KCNIP4: variants seen among roughly 807,000 people sequenced by gnomAD.
KCNIP4 encodes potassium voltage-gated channel interacting protein 4, also known as Kv channel-interacting protein 4.
Under a neutral mutation model 34.0 loss-of-function variants are expected in KCNIP4, and 12 were observed. The observed-to-expected ratio is 0.35, with a 90% CI of 0.23 to 0.57. The LOEUF is 0.57. Ranked by LOEUF, KCNIP4 falls within the 20% of genes least tolerant of loss-of-function variation. KCNIP4 has a pLI of 0.83. For missense variants in KCNIP4, 238 were observed against 311.7 expected, an observed-to-expected ratio of 0.76 and a Z score of 1.78; for synonymous variants, 124 against 102.2, an observed-to-expected ratio of 1.21 and a Z score of -1.29.
chr4:20,958,340 C>T (rs1733516107), intron 1 of KCNIP4, among the ~76,000 whole-genome samples: 1 of 152,132 alleles, frequency 6.6e-6, no homozygotes, highest in East Asian at 1.9e-4. Context: ...AAATGGGGTG[C>T]TTTATGGATA....
chr4:21,629,608 T>C (rs573998616), intron 1 of KCNIP4, among the ~76,000 whole-genome samples: 3 of 152,280 alleles, frequency 2.0e-5, no homozygotes, highest in South Asian at 4.1e-4. Context: ...TAAAACTGTA[T>C]GTAAATAGAA....
intron 1 of KCNIP4, among the ~76,000 whole-genome samples, chr4:21,680,324 C>G (rs147588119): frequency 6.3e-4 from 96 of 152,322 alleles, no homozygotes; most frequent in Non-Finnish European, 1.0e-3. Context: ...TCAGTCACAT[C>G]TCCATGATCC....
chr4:21,274,260 C>T (rs950515924), intron 1 of KCNIP4, among the ~76,000 whole-genome samples: 8 of 152,088 alleles, frequency 5.3e-5, no homozygotes, highest in African/African-American at 1.7e-4. Context: ...ATTGTGGATC[C>T]AATCAAAGAA....
At chr4:21,209,907 T>C (rs1009852323) in intron 1 of KCNIP4, among the ~76,000 whole-genome samples, 12 of 152,324 alleles carry the variant, frequency 7.9e-5, no homozygotes, top group African/African-American at 2.9e-4. Flanking sequence ...TCAATAATTA[T>C]TCACTTATTT....
chr4:20,799,519 C>T (rs1353105424), intron 3 of KCNIP4, among the ~76,000 whole-genome samples: 1 of 152,180 alleles, frequency 6.6e-6, no homozygotes, highest in Non-Finnish European at 1.5e-5. Flanking sequence ...TTCCTGCATA[C>T]CTGTAACTGG....
intron 1 of KCNIP4, among the ~76,000 whole-genome samples, chr4:21,741,006 G>A (rs1056304599): frequency 6.6e-6 from 1 of 152,066 alleles, no homozygotes; most frequent in East Asian, 1.9e-4. Flanking sequence ...AAATTCAGAG[G>A]CAATGACACA....
At chr4:20,750,663 T>C (rs759691533) in intron 4 of KCNIP4, among the ~76,000 whole-genome samples, 2 of 152,166 alleles carry the variant, frequency 1.3e-5, no homozygotes, top group African/African-American at 4.8e-5. Flanking sequence ...CCTTATTGTT[T>C]TCTGTTCTGA....
chr4:21,863,260 A>ATTTT (rs34972685), intron 1 of KCNIP4, among the ~76,000 whole-genome samples: 30,762 of 141,494 alleles, frequency 0.22, 4,590 homozygotes, highest in East Asian at 0.56. Context: ...CACGGATTGA[A>ATTTT]TTTTTTTTTT....
intron 1 of KCNIP4, among the ~76,000 whole-genome samples, chr4:21,083,001 T>C (rs114819566): frequency 0.024 from 3,591 of 151,898 alleles, 186 homozygotes; most frequent in African/African-American, 0.081. Flanking sequence ...ATGTTAAATA[T>C]ATTTCCAGAG....
intron 1 of KCNIP4, among the ~76,000 whole-genome samples, chr4:21,470,185 G>C (rs572574051): frequency 3.9e-5 from 6 of 152,090 alleles, no homozygotes; most frequent in Non-Finnish European, 8.8e-5. Flanking sequence ...TGGTACTGCC[G>C]GTTCAGAGAA....
intron 1 of KCNIP4, among the ~76,000 whole-genome samples, chr4:21,353,019 C>G (rs987805658): frequency 1.3e-5 from 2 of 152,144 alleles, no homozygotes; most frequent in Non-Finnish European, 2.9e-5. Context: ...CTGAAGTGGA[C>G]CTCCAGCAAA....
intron 1 of KCNIP4, among the ~76,000 whole-genome samples, chr4:21,254,096 TATG>T (rs1218797356): frequency 1.3e-5 from 2 of 152,198 alleles, no homozygotes; most frequent in Non-Finnish European, 2.9e-5. Flanking sequence ...ATCCCTTTGG[TATG>T]ATAAGAATAT....
intron 1 of KCNIP4, among the ~76,000 whole-genome samples, chr4:21,773,756 T>G (rs1718980893): frequency 7.4e-6 from 1 of 134,862 alleles, no homozygotes; most frequent in Admixed American, 6.9e-5. Flanking sequence ...TTTTTTTTTT[T>G]TTGTTTGTTT....
intron 1 of KCNIP4, among the ~76,000 whole-genome samples, chr4:21,681,224 T>A (rs930653676): frequency 1.3e-5 from 2 of 151,792 alleles, no homozygotes; most frequent in African/African-American, 4.8e-5. Flanking sequence ...ACGTACAGTC[T>A]CGAGTAGCTG....
At chr4:21,281,418 C>T (rs1163592351) in intron 1 of KCNIP4, among the ~76,000 whole-genome samples, 2 of 152,076 alleles carry the variant, frequency 1.3e-5, no homozygotes, top group Admixed American at 1.3e-4. Context: ...GATGCAGTAA[C>T]ACTGCACTGG....
intron 1 of KCNIP4, among the ~76,000 whole-genome samples, chr4:21,514,740 ACT>A (rs992626635): frequency 1.3e-5 from 2 of 151,694 alleles, no homozygotes; most frequent in South Asian, 2.1e-4. Flanking sequence ...TGAAAGAAAG[ACT>A]CTCTCTCAAT....
chr4:21,826,117 T>G (rs147315531), intron 1 of KCNIP4, among the ~76,000 whole-genome samples: 1 of 152,114 alleles, frequency 6.6e-6, no homozygotes, highest in Non-Finnish European at 1.5e-5. Flanking sequence ...AGGGATAAGG[T>G]TAGAAAGGTG....
rs915903540 is a variant in KCNIP4 at position 21,600,933 on chromosome 4, A to G, written c.61+347638T>C. On this transcript the variant is annotated intron_variant, in intron 1 of 8. Transcript: ENST00000382152. ...AAATCCCACAAAGACACCAAATCCA[A>G]TATCACCAACACAAACCTGATCCCC... Among the ~76,000 whole-genome samples, 11 of 152,194 alleles carry G rather than the reference A, an allele frequency of 7.2e-5. No individual in the cohort carries two copies. In the East Asian group the frequency reaches 1.2e-3, roughly 16 times the overall value.
chr4:21,561,553 T>C (rs563321047), intron 1 of KCNIP4, among the ~76,000 whole-genome samples: 1 of 151,980 alleles, frequency 6.6e-6, no homozygotes, highest in African/African-American at 2.4e-5. Context: ...GTCTTTTTAC[T>C]TGTGGCCATT....
Sources: gnomAD v4.1 joint callset for allele counts (sites outside exome capture counted in the v4.1 genomes callset) on GRCh38, gnomAD v4.1.1 for gene constraint, MANE v1.5 for transcripts, NCBI Gene and HGNC (gene_info 2026-07-23, HGNC 2026-07-21) for gene names.